Variants in LCOR observed in about 807,000 individuals in gnomAD.
LCOR encodes ligand-dependent corepressor.
LCOR carries 14 observed loss-of-function variants against 64.4 expected under a neutral mutation model. That is an observed-to-expected ratio of 0.22 (90% CI 0.14 to 0.34). The LOEUF (loss-of-function observed/expected upper bound fraction) is 0.34. Ranked by LOEUF, LCOR falls within the 10% of genes least tolerant of loss-of-function variation. The pLI, the probability that LCOR is intolerant of heterozygous loss-of-function variation, is 1.00. For missense variants in LCOR, 1,686 were observed against 1,765.3 expected, an observed-to-expected ratio of 0.96 and a Z score of 0.80; for synonymous variants, 643 against 642.5, an observed-to-expected ratio of 1.00 and a Z score of -0.01.
At chr10:96,863,531 C>T (rs1032430674) in intron 2 of LCOR, among the ~76,000 whole-genome samples, 1 of 152,150 alleles carries the variant, frequency 6.6e-6, no homozygotes, top group African/African-American at 2.4e-5. Context: ...GATTTTTTCA[C>T]ATTCAGAATT....
rs746936430 is a variant in LCOR at position 96,983,751 on chromosome 10, G to A, written c.3291G>A (p.Lys1097=). The A allele has an allele frequency of 5.6e-5, 91 of 1,614,190 alleles. No homozygotes were observed. In the South Asian group the frequency reaches 9.3e-4, roughly 17 times the overall value. The change falls in exon 8 of 8, where the codon AAG becomes AAA. Residue 1097 remains lysine, a synonymous_variant. Coordinates refer to ENST00000421806, the MANE Select transcript of LCOR (RefSeq NM_001346516.2). The surrounding 1 kb of genome is among the most constrained non-coding windows in gnomAD (Gnocchi z 4.5). ...DVDTVVDEQP[K]FMEWCAEEEN... ...ACACCGTGGTAGATGAACAGCCAAA[G>A]TTTATGGAATGGTGTGCTGAGGAGG...
intron 7 of LCOR, among the ~76,000 whole-genome samples, chr10:96,980,390 AAATGATTTTTG>A (rs1335529442): frequency 6.6e-6 from 1 of 152,356 alleles, no homozygotes; most frequent in Admixed American, 6.5e-5. Flanking sequence ...TTTAAGATAA[AAATGATTTTTG>A]AATGATTACT....
chr10:96,896,074 T>A (rs112215982), intron 2 of LCOR, among the ~76,000 whole-genome samples: 1 of 152,138 alleles, frequency 6.6e-6, no homozygotes, highest in Non-Finnish European at 1.5e-5. Context: ...AGAAAGAGAC[T>A]CTGTCTCTAA....
chr10:96,958,093 A>G, intron 7 of LCOR: 1 of 1,095,660 alleles, frequency 9.1e-7, no homozygotes, highest in Non-Finnish European at 1.1e-6. Flanking sequence ...AGAATTTGTC[A>G]GCACACAATT....
intron 7 of LCOR, among the ~76,000 whole-genome samples, chr10:96,970,154 T>C (rs949800093): frequency 6.6e-6 from 1 of 151,310 alleles, no homozygotes; most frequent in Admixed American, 6.6e-5. Flanking sequence ...TCCCAGCACT[T>C]TGGGAGGCTG....
intron 7 of LCOR, among the ~76,000 whole-genome samples, chr10:96,969,132 G>A (rs1239219981): frequency 6.6e-6 from 1 of 152,178 alleles, no homozygotes; most frequent in East Asian, 1.9e-4. Context: ...TAAATGAAAG[G>A]CATTGACAGC....
At chr10:96,851,906 G>T (rs1845727604) in intron 2 of LCOR, among the ~76,000 whole-genome samples, 2 of 152,144 alleles carry the variant, frequency 1.3e-5, no homozygotes, top group South Asian at 4.1e-4. Flanking sequence ...TTAATGGTAT[G>T]TCATATTTTT....
At chr10:96,897,585 T>C (rs746463280) in intron 2 of LCOR, among the ~76,000 whole-genome samples, 4 of 152,236 alleles carry the variant, frequency 2.6e-5, no homozygotes, top group African/African-American at 7.2e-5. Context: ...GAATCTTGTT[T>C]ATGGCATTAT....
chr10:96,992,120 C>G lies in LCOR; in HGVS notation c.*6986C>G, dbSNP rs1336020253. On this transcript the variant is annotated 3_prime_UTR_variant, in exon 8 of 8. Transcript: ENST00000421806. The stretch of plus-strand genomic sequence containing the variant: ...TTTGCATAATTTTTTATATTTATAC[C>G]ACAGGTAGGGATTATTTTTAGAGTC... The G allele has an allele frequency of 1.3e-5, 2 of 151,830 alleles. No individual in the cohort carries two copies. The highest frequency in any genetic ancestry group is 2.9e-5 in the Non-Finnish European group (2 of 67,990). 9.4% of individuals were successfully genotyped at this position (151,830 alleles called of 1,614,324 possible).
chr10:96,976,636 A>G (rs1306824530), intron 7 of LCOR, among the ~76,000 whole-genome samples: 1 of 152,244 alleles, frequency 6.6e-6, no homozygotes, highest in Non-Finnish European at 1.5e-5. Context: ...ATGGGACAGC[A>G]GCAGATTAGA....
intron 2 of LCOR, among the ~76,000 whole-genome samples, chr10:96,902,296 G>T (rs1410929427): frequency 6.6e-6 from 1 of 152,154 alleles, no homozygotes; most frequent in African/African-American, 2.4e-5. Flanking sequence ...TTTGTCATCA[G>T]TTCTTGTGCT....
chr10:96,954,062 T>C (rs1384365522), intron 7 of LCOR, among the ~76,000 whole-genome samples: 3 of 152,166 alleles, frequency 2.0e-5, no homozygotes, highest in Non-Finnish European at 4.4e-5. Context: ...AATAGGTGTT[T>C]GGTATTTCAA....
intron 7 of LCOR, among the ~76,000 whole-genome samples, chr10:96,972,315 A>G (rs1262339663): frequency 1.3e-5 from 2 of 152,056 alleles, no homozygotes; most frequent in South Asian, 2.1e-4. Context: ...CACCATATAT[A>G]CGTTAGATTT....
At chr10:96,891,482 CTTTTTT>C (rs745839487) in intron 2 of LCOR, among the ~76,000 whole-genome samples, 1 of 28,498 alleles carries the variant, frequency 3.5e-5, no homozygotes, top group East Asian at 1.5e-3. Flanking sequence ...TTTTCTGACT[CTTTTTT>C]TTTTTTTTTT....
chr10:96,941,159 C>A (rs1489733949), intron 4 of LCOR, among the ~76,000 whole-genome samples: 5 of 142,618 alleles, frequency 3.5e-5, no homozygotes, highest in Non-Finnish European at 6.2e-5. Context: ...CCCCTCACCT[C>A]CCGGACAGGG....
In LCOR at chr10:96,917,155, C is replaced by T. The variant is rs577807359; in HGVS notation, c.-184+9408C>T. Among the ~76,000 whole-genome samples, 3 of 152,090 alleles carry T rather than the reference C, an allele frequency of 2.0e-5. No individual in the cohort carries two copies. The South Asian group carries it at 6.2e-4, about 32-fold the overall frequency. On this transcript the variant is annotated intron_variant, in intron 4 of 7. Coordinates refer to ENST00000421806, the MANE Select transcript of LCOR (RefSeq NM_001346516.2). ...GTCTCCCAGTTCGTAGAGTTGTTTG[C>T]AAAAAACACAGGCAAGGAGAAATCA... is the stretch of plus-strand genomic sequence containing the variant.
intron 4 of LCOR, among the ~76,000 whole-genome samples, chr10:96,917,461 C>G (rs1374430827): frequency 1.3e-5 from 2 of 152,192 alleles, no homozygotes; most frequent in Non-Finnish European, 2.9e-5. Flanking sequence ...ATCCCATGCT[C>G]ATTCCCATAT....
intron 7 of LCOR, chr10:96,963,664 G>A (rs1472477254): frequency 6.6e-6 from 1 of 152,218 alleles, no homozygotes; most frequent in African/African-American, 2.4e-5. Flanking sequence ...GAAGTTCTCA[G>A]TGACAAGTTT....
chr10:96,982,415 C>T lies in LCOR; in HGVS notation c.1955C>T (p.Pro652Leu), dbSNP rs972399465. ...ATGTCTTCTCCTGAACACAACCAAC[C>T]ACCAGTTGCACTGTTGGATACGGAG... Reference protein sequence around the residue: ...SGMSSPEHNQPPVALLDTEEM... With the variant: ...SGMSSPEHNQLPVALLDTEEM... The change falls in exon 8 of 8, where the codon CCA (proline) becomes CTA (leucine). Residue 652 changes from proline to leucine, a missense_variant. Physicochemically the swap from Pro to Leu is moderately conservative, Grantham distance 98. Coordinates refer to ENST00000421806, the MANE Select transcript of LCOR (RefSeq NM_001346516.2). 7 of 1,614,114 alleles carry T rather than the reference C, an allele frequency of 4.3e-6. No individual in the cohort carries two copies. The highest frequency in any genetic ancestry group is 5.9e-6 in the Non-Finnish European group (7 of 1,180,036).
Sources: gnomAD v4.1 joint callset for allele counts (sites outside exome capture counted in the v4.1 genomes callset) on GRCh38, gnomAD v4.1.1 for gene constraint, Gnocchi (gnomAD v3.1) non-coding constraint, MANE v1.5 for transcripts, NCBI Gene and HGNC (gene_info 2026-07-23, HGNC 2026-07-21) for gene names.